Variants in CCDC120 observed in about 807,000 individuals in gnomAD.
CCDC120 encodes the protein coiled-coil domain-containing protein 120.
CCDC120 carries 16 observed loss-of-function variants against 37.6 expected under a neutral mutation model. That is an observed-to-expected ratio of 0.43 (90% CI 0.29 to 0.65). The LOEUF (loss-of-function observed/expected upper bound fraction) is 0.65, where lower values mean the gene tolerates loss of function less well. CCDC120 is among the 30% of genes least tolerant of loss of function. CCDC120 has a pLI of 0.18. For synonymous variants in CCDC120, 309 were observed against 275.4 expected, an observed-to-expected ratio of 1.12 and a Z score of -1.21; for missense variants, 650 against 657.4, an observed-to-expected ratio of 0.99 and a Z score of 0.12.
At chrX:49,061,442 G>A (rs2147794592) in intron 1 of CCDC120, among the ~76,000 whole-genome samples, 1 of 112,901 alleles carries the variant, frequency 8.9e-6, no homozygotes, top group South Asian at 3.6e-4. Flanking sequence ...GTACAGCCAT[G>A]TTCAGGGTGC....
chrX:49,066,278 A>G (rs1480455402), intron 9 of CCDC120: 1 of 129,570 alleles, frequency 7.7e-6, no homozygotes, highest in Non-Finnish European at 1.5e-5. Context: ...GCTGGGCATT[A>G]AAGGTGAGCA....
At chrX:49,057,019 G>C (rs1181807013), upstream of CCDC120, among the ~76,000 whole-genome samples, 2 of 112,368 alleles carry the variant, frequency 1.8e-5, no homozygotes, top group African/African-American at 6.5e-5. Flanking sequence ...AAGTGGCAGA[G>C]CTGGGTTGAA....
intron 1 of CCDC120, among the ~76,000 whole-genome samples, chrX:49,060,349 G>A (rs2064869583): frequency 9.7e-6 from 1 of 103,297 alleles, no homozygotes; most frequent in South Asian, 4.5e-4. Context: ...GCTTGAACCT[G>A]GGAAGTGGAG....
At chrX:49,055,402 AAAG>A (rs1178692408), upstream of CCDC120, among the ~76,000 whole-genome samples, 2 of 111,974 alleles carry the variant, frequency 1.8e-5, no homozygotes, top group Admixed American at 9.5e-5. Flanking sequence ...CTGGACTGAA[AAAG>A]AAGAAGTCTA....
chrX:49,061,714 G>A (rs1159475697), intron 1 of CCDC120, among the ~76,000 whole-genome samples: 1 of 112,320 alleles, frequency 8.9e-6, no homozygotes, highest in African/African-American at 3.2e-5. Context: ...GAGTTAGAGC[G>A]GTTCTCATGA....
chrX:49,068,513 G>A, intron 10 of CCDC120, 31 bp from the exon 11 acceptor site: 1 of 1,078,229 alleles, frequency 9.3e-7, no homozygotes, highest in Non-Finnish European at 1.2e-6. Context: ...TCCCCGCCCT[G>A]TCCTCCGGAT....
At chrX:49,065,670 G>A (rs1011404938) in intron 8 of CCDC120, 42 bp downstream of exon 8, 90 of 1,199,523 alleles carry the variant, frequency 7.5e-5, no homozygotes, top group Non-Finnish European at 1.0e-4. Context: ...AGCTGGGAAT[G>A]GGATAGCAAG....
chrX:49,065,206 C>T, intron 7 of CCDC120, 108 bp downstream of exon 7: 2 of 834,841 alleles, frequency 2.4e-6, no homozygotes, highest in Middle Eastern at 2.8e-4. Context: ...CTTTGATGCC[C>T]AGCCCCTCCT....
At chrX:49,066,646 C>G (rs1315590617) in intron 9 of CCDC120, 3 of 112,999 alleles carry the variant, frequency 2.7e-5, no homozygotes, top group Non-Finnish European at 5.6e-5. Flanking sequence ...TGCCTACTTT[C>G]CCCAGGCTCT....
rs782363199 is a variant in CCDC120 at position 49,065,042 on chromosome X, T to C, written c.731T>C (p.Val244Ala). The C allele has an allele frequency of 2.5e-6, 3 of 1,209,257 alleles. No individual in the cohort carries two copies. The East Asian group carries it at 8.9e-5, about 36-fold the overall frequency. Residue 244 changes from valine (V) to alanine (A), a missense_variant, in exon 7 of 11, where the codon GTA becomes GCA. Around this residue, in one of 3 missense-constraint regions of CCDC120, gnomAD observed 576 missense variants for 565.3 expected, o/e 1.02. Coordinates refer to ENST00000603986, the MANE Select transcript of CCDC120 (RefSeq NM_001163321.4). ...MRLAQLSQEDVVLHSESSSLS... is the reference protein window; with the variant it reads ...MRLAQLSQEDAVLHSESSSLS... ...CTCCCCCTCTCACCTGTAGAGGACGTAGTTCTGCACTCAGAGAGCAGCTCC... is the reference window on the plus strand; with the variant it reads ...CTCCCCCTCTCACCTGTAGAGGACGCAGTTCTGCACTCAGAGAGCAGCTCC...
chrX:49,068,529 C>A lies in CCDC120; in HGVS notation c.1977-15C>A. Reference sequence around the variant, plus strand: ...CCCCGCCCTGTCCTCCGGATTCCTGCTACCCCTTCTAAAGATACTACGCGG... The same window carrying A: ...CCCCGCCCTGTCCTCCGGATTCCTGATACCCCTTCTAAAGATACTACGCGG... On this transcript the variant is annotated splice_polypyrimidine_tract_variant and intron_variant, in intron 10 of 10. Coordinates refer to ENST00000603986, the MANE Select transcript of CCDC120 (RefSeq NM_001163321.4). 9.0e-7 allele frequency: 1 copy of A among 1,107,713 alleles called. No homozygotes were observed. Among genetic ancestry groups the A allele is most frequent in the Non-Finnish European group, 1.2e-6 (1 of 842,386 alleles). 91.3% of individuals were successfully genotyped at this position (1,107,713 alleles called of 1,213,427 possible).
At position 49,062,290 on chromosome X, in the gene CCDC120, G is replaced by T. The variant is rs1557079668; in HGVS notation, c.119G>T (p.Gly40Val). 4.1e-6 allele frequency: 5 copies of T among 1,210,672 alleles called. No individual in the cohort carries two copies. Among genetic ancestry groups the T allele is most frequent in the Non-Finnish European group, 5.6e-6 (5 of 894,896 alleles). The change falls in exon 3 of 11, where the codon GGT (glycine) becomes GTT (valine). Residue 40 changes from glycine (G) to valine (V), a missense_variant. By Grantham distance (109) the Gly-to-Val change is moderately radical. Coordinates refer to ENST00000603986, the MANE Select transcript of CCDC120 (RefSeq NM_001163321.4). ...GACAGCACCAAGATGGAAGTCAAAGGTCAGCTGATCAGCTCTCCTACCTTC... is the reference window on the plus strand; with the variant it reads ...GACAGCACCAAGATGGAAGTCAAAGTTCAGCTGATCAGCTCTCCTACCTTC... ...PLDSTKMEVK[G>V]QLISSPTFNA...
At chrX:49,065,903 A>C in intron 9 of CCDC120, 58 bp downstream of exon 9, 8 of 1,035,182 alleles carry the variant, frequency 7.7e-6, no homozygotes, top group East Asian at 3.3e-5. Context: ...ATTAGTTCTC[A>C]CTGGAAGCTT....
chrX:49,062,211 A>G lies in CCDC120; in HGVS notation c.64-24A>G, dbSNP rs139839752. 3,013 of 1,196,268 alleles carry G rather than the reference A, an allele frequency of 2.5e-3. 39 individuals carry two copies. The African/African-American group carries it at 0.046, about 18-fold the overall frequency. On this transcript the variant is annotated intron_variant, in intron 2 of 10. Coordinates refer to ENST00000603986, the MANE Select transcript of CCDC120 (RefSeq NM_001163321.4). ...GGGTATCATGGGATGTGCTTCCTTA[A>G]CGGCTCCTTTGTGTCACTGCCAGAC...
chrX:49,057,066 C>G (rs1377151312), upstream of CCDC120, among the ~76,000 whole-genome samples: 1 of 111,546 alleles, frequency 9.0e-6, no homozygotes, highest in African/African-American at 3.3e-5. Context: ...AGCAGGGTCA[C>G]GTGAGGCCCA....
upstream of CCDC120, among the ~76,000 whole-genome samples, chrX:49,054,611 T>G (rs1318656058): frequency 9.0e-6 from 1 of 110,985 alleles, no homozygotes; most frequent in Non-Finnish European, 1.9e-5. Context: ...TGTCCCCTCC[T>G]TTGACCACTG....
Position 49,068,661 on chromosome X carries a change from C to T in CCDC120, c.*3C>T. 1.8e-6 allele frequency: 2 copies of T among 1,116,273 alleles called. No homozygotes were observed. Among genetic ancestry groups the T allele is most frequent in the Non-Finnish European group, 2.4e-6 (2 of 848,428 alleles). 92.0% of individuals were successfully genotyped at this position (1,116,273 alleles called of 1,213,427 possible). On this transcript the variant is annotated 3_prime_UTR_variant, in exon 11 of 11. Transcript: ENST00000603986. ...AGACCCCGGGGACACTGGTCTGACC[C>T]CTTCTGATATGTCCCTTGTTGGCCT...
chrX:49,068,245 T>G (rs1043373686), intron 10 of CCDC120, 155 bp downstream of exon 10: 3 of 1,088,142 alleles, frequency 2.8e-6, no homozygotes, highest in Non-Finnish European at 3.6e-6. Flanking sequence ...GCACATGACC[T>G]GCATTAGTCC....
intron 9 of CCDC120, chrX:49,066,890 T>C: frequency 3.1e-6 from 1 of 324,123 alleles, no homozygotes. Flanking sequence ...GCATCTACTC[T>C]GCTAGCCTTT....
Sources: gnomAD v4.1 joint callset for allele counts (sites outside exome capture counted in the v4.1 genomes callset) on GRCh38, gnomAD v4.1.1 for gene constraint, gnomAD v4.1.1 regional missense constraint, MANE v1.5 for transcripts, NCBI Gene and HGNC (gene_info 2026-07-23, HGNC 2026-07-21) for gene names.